Variants in TNNI3K observed in about 807,000 individuals in gnomAD.
The protein encoded by TNNI3K is serine/threonine-protein kinase TNNI3K.
In TNNI3K, 140 loss-of-function variants were observed where a neutral mutation model predicts 114.5. The ratio of observed to expected loss-of-function variants is 1.22; its 90% CI spans 1.07 to 1.41. The LOEUF is 1.41. TNNI3K is among the 40% of genes most tolerant of loss of function. The pLI is 0.00. For synonymous variants in TNNI3K, 347 were observed against 347.5 expected, an observed-to-expected ratio of 1.00 and a Z score of 0.02; for missense variants, 1,125 against 1,007.6, an observed-to-expected ratio of 1.12 and a Z score of -1.58.
intron 23 of TNNI3K, among the ~76,000 whole-genome samples, chr1:74,533,818 A>G (rs1171540209): frequency 6.6e-6 from 1 of 152,190 alleles, no homozygotes; most frequent in African/African-American, 2.4e-5. Flanking sequence ...AAGGACAAAA[A>G]ACCAAACACC....
chr1:74,289,207 T>A (rs1187876548), intron 5 of TNNI3K, among the ~76,000 whole-genome samples: 2 of 152,020 alleles, frequency 1.3e-5, no homozygotes, highest in African/African-American at 4.8e-5. Context: ...TTTTTCAAAG[T>A]TGACCTTGTA....
intron 23 of TNNI3K, among the ~76,000 whole-genome samples, chr1:74,499,224 G>C (rs906616974): frequency 6.6e-6 from 1 of 152,128 alleles, no homozygotes; most frequent in Non-Finnish European, 1.5e-5. Flanking sequence ...ACTTTACCTA[G>C]AATTTTTCCT....
At chr1:74,250,465 A>G (rs1654858071) in intron 3 of TNNI3K, among the ~76,000 whole-genome samples, 1 of 152,234 alleles carries the variant, frequency 6.6e-6, no homozygotes, top group South Asian at 2.1e-4. Flanking sequence ...GTCAAAATAC[A>G]CAGCATTTGA....
At chr1:74,511,214 T>C (rs1412907977) in intron 23 of TNNI3K, among the ~76,000 whole-genome samples, 14 of 142,758 alleles carry the variant, frequency 9.8e-5, no homozygotes, top group Non-Finnish European at 2.1e-4. Flanking sequence ...TTTTCCGAGA[T>C]GGAATTTCGC....
intron 5 of TNNI3K, among the ~76,000 whole-genome samples, chr1:74,320,871 A>G (rs1659571050): frequency 6.6e-6 from 1 of 152,184 alleles, no homozygotes; most frequent in Non-Finnish European, 1.5e-5. Context: ...AAAGAGAGGA[A>G]CAGGTGAGTT....
At chr1:74,536,407 A>G (rs1646661055) in intron 23 of TNNI3K, among the ~76,000 whole-genome samples, 1 of 152,148 alleles carries the variant, frequency 6.6e-6, no homozygotes, top group Admixed American at 6.6e-5. Context: ...GGACATCTAT[A>G]CCCCTAAAGC....
chr1:74,385,694 G>A (rs1663437413), intron 17 of TNNI3K, among the ~76,000 whole-genome samples: 4 of 152,144 alleles, frequency 2.6e-5, no homozygotes, highest in African/African-American at 9.7e-5. Flanking sequence ...GTCTGCAAAG[G>A]TTAAGAGTTC....
chr1:74,349,591 C>T (rs1278868523), intron 9 of TNNI3K, among the ~76,000 whole-genome samples: 1 of 152,094 alleles, frequency 6.6e-6, no homozygotes, highest in East Asian at 1.9e-4. Context: ...GCTGTGAATC[C>T]ATCTGGTCCT....
chr1:74,440,995 G>T (rs1434355819), intron 20 of TNNI3K, among the ~76,000 whole-genome samples: 1 of 151,998 alleles, frequency 6.6e-6, no homozygotes, highest in East Asian at 1.9e-4. Context: ...TAATACATGG[G>T]TTTCTCTACC....
chr1:74,462,825 G>A (rs1667508432), intron 20 of TNNI3K, among the ~76,000 whole-genome samples: 1 of 152,166 alleles, frequency 6.6e-6, no homozygotes, highest in Non-Finnish European at 1.5e-5. Flanking sequence ...AATCCATGCA[G>A]GCAGGCAACA....
intron 4 of TNNI3K, among the ~76,000 whole-genome samples, chr1:74,264,051 T>C (rs1451463164): frequency 1.3e-5 from 2 of 151,576 alleles, no homozygotes. Context: ...CAGGAATAAA[T>C]ACATTATGGA....
At chr1:74,535,267 C>T (rs1242981364) in intron 23 of TNNI3K, among the ~76,000 whole-genome samples, 11 of 151,966 alleles carry the variant, frequency 7.2e-5, no homozygotes, top group African/African-American at 1.7e-4. Flanking sequence ...AACAGGAGTT[C>T]GACACCAGCC....
chr1:74,524,725 G>A (rs188034546), intron 23 of TNNI3K, among the ~76,000 whole-genome samples: 53 of 151,482 alleles, frequency 3.5e-4, no homozygotes, highest in Non-Finnish European at 1.9e-4. Context: ...ATTCTAATGT[G>A]AGAAGAGTGA....
intron 23 of TNNI3K, among the ~76,000 whole-genome samples, chr1:74,519,452 C>T (rs1427717783): frequency 6.9e-5 from 9 of 129,512 alleles, no homozygotes; most frequent in Middle Eastern, 3.8e-3. Context: ...CCTGAGGAAT[C>T]GCCACACTGA....
At chr1:74,246,887 CTTATAG>C (rs934602425) in intron 2 of TNNI3K, among the ~76,000 whole-genome samples, 3 of 152,176 alleles carry the variant, frequency 2.0e-5, no homozygotes, top group African/African-American at 7.2e-5. Context: ...AAGCCTCATT[CTTATAG>C]TTATACCAGG....
rs10529693 is a variant in TNNI3K, at chr1:74,417,682, TTGTGTGTGTGTGTGTGTGTG to T, written c.1773-18366_1773-18347del. Among the ~76,000 whole-genome samples the T allele has an allele frequency of 7.7e-3, 1,051 of 137,108 alleles. 14 individuals carry two copies. The highest frequency in any genetic ancestry group is 8.1e-3 in the Non-Finnish European group (508 of 62,486). 89.9% of individuals were successfully genotyped at this position (137,108 alleles called of 152,430 possible). ...TAGTTAAGGAGAAAAGTGTACGTGTTTGTGTGTGTGTGTGTGTGTGTGTGTGTGTGTGTGTGTGTGTGTGT... is the reference window on the plus strand; with the variant it reads ...TAGTTAAGGAGAAAAGTGTACGTGTTTGTGTGTGTGTGTGTGTGTGTGTGT... On this transcript the variant is annotated intron_variant, in intron 17 of 24. Coordinates refer to ENST00000326637, the MANE Select transcript of TNNI3K (RefSeq NM_015978.3).
At chr1:74,398,443 G>A (rs546011249) in intron 17 of TNNI3K, among the ~76,000 whole-genome samples, 20 of 152,322 alleles carry the variant, frequency 1.3e-4, no homozygotes, top group African/African-American at 4.8e-4. Context: ...TGTGGGGGTT[G>A]TGCGACCTGC....
At chr1:74,262,626 A>G (rs559037987) in intron 4 of TNNI3K, among the ~76,000 whole-genome samples, 1 of 152,206 alleles carries the variant, frequency 6.6e-6, no homozygotes, top group Admixed American at 6.5e-5. Context: ...TAAACACTTT[A>G]ATAGTAGATT....
At position 74,308,190 on chromosome 1, in the gene TNNI3K, C is replaced by T. The variant is rs114507281; in HGVS notation, c.445-23260C>T. On this transcript the variant is annotated intron_variant, in intron 5 of 24. Transcript: ENST00000326637. ...CCTAATAGACATCTACAGAATAAGC[C>T]GCCTATCAACCGCAGAATATACATT... is the stretch of plus-strand genomic sequence containing the variant. Among the ~76,000 whole-genome samples the T allele has an allele frequency of 2.1e-3, 316 of 152,068 alleles. 1 individual carries two copies. The highest frequency in any genetic ancestry group is 0.01 in the Middle Eastern group (3 of 294).
Sources: allele counts gnomAD v4.1 joint callset (sites outside exome capture counted in the v4.1 genomes callset), GRCh38; gene constraint gnomAD v4.1.1; transcripts MANE v1.5; gene names NCBI Gene and HGNC (gene_info 2026-07-23, HGNC 2026-07-21).